The following ZDHHC6 variants were observed in gnomAD, a reference collection of about 807,000 sequenced individuals.
ZDHHC6 encodes zDHHC palmitoyltransferase 6, also known as palmitoyltransferase ZDHHC6.
Under a neutral mutation model 57.8 loss-of-function variants are expected in ZDHHC6, and 32 were observed. The observed-to-expected ratio is 0.55, with a 90% CI of 0.42 to 0.74. The LOEUF (loss-of-function observed/expected upper bound fraction) is 0.74. Ranked by LOEUF, ZDHHC6 falls within the 30% of genes least tolerant of loss-of-function variation. The pLI is 0.00. For synonymous variants in ZDHHC6, 128 were observed against 158.0 expected (o/e 0.81, Z 1.42); for missense variants, 433 against 500.7 (o/e 0.86, Z 1.29).
chr10:112,438,117 C>T (rs138522080), intron 6 of ZDHHC6, among the ~76,000 whole-genome samples: 1 of 152,298 alleles, frequency 6.6e-6, no homozygotes, highest in African/African-American at 2.4e-5. Flanking sequence ...ATGAGAAGCA[C>T]CTTTCTGTGG....
Position 112,442,241 on chromosome 10 carries a change from T to C in ZDHHC6, c.470A>G (p.His157Arg), listed in dbSNP as rs1377178470. Reference protein sequence around the residue: ...FLLLAPLGCIHAAFIFVMTMY... With the variant: ...FLLLAPLGCIRAAFIFVMTMY... The stretch of plus-strand genomic sequence containing the variant: ...AGTCATCACAAAAATGAAAGCAGCA[T>C]GGATACAACCCAGTGGTGCTAAAAG... Residue 157 changes from histidine (H) to arginine (R), a missense_variant, in exon 4 of 11, where the codon CAT becomes CGT. Transcript: ENST00000369405. 1.9e-6 allele frequency: 3 copies of C among 1,613,900 alleles called. No homozygotes were observed. The highest frequency in any genetic ancestry group is 2.2e-5 in the East Asian group (1 of 44,854).
chr10:112,443,113 T>C (rs1053081021), intron 3 of ZDHHC6, among the ~76,000 whole-genome samples: 2 of 152,206 alleles, frequency 1.3e-5, no homozygotes, highest in Non-Finnish European at 2.9e-5. Context: ...GTGTAAATGT[T>C]TGTCAATAAG....
In ZDHHC6 at chr10:112,445,150, T is replaced by C; in HGVS notation, c.267+20A>G. 1 of 1,604,344 alleles carries C rather than the reference T, an allele frequency of 6.2e-7. No homozygotes were observed. Among genetic ancestry groups the C allele is most frequent in the Non-Finnish European group, 8.5e-7 (1 of 1,173,802 alleles). On this transcript the variant is annotated intron_variant, in intron 2 of 10. Coordinates refer to ENST00000369405, the MANE Select transcript of ZDHHC6 (RefSeq NM_022494.3). The stretch of plus-strand genomic sequence containing the variant: ...ATACGATTATCATTAAAGTTCATTG[T>C]CTTACAGAATCTTTCTTACCGGTTT...
chr10:112,429,346 C>G (rs563662230), downstream of ZDHHC6, among the ~76,000 whole-genome samples: 5 of 152,304 alleles, frequency 3.3e-5, no homozygotes, highest in South Asian at 1.0e-3. Context: ...TGTTTTTGTT[C>G]TTGCTGCTGT....
downstream of ZDHHC6, chr10:112,425,553 G>T: frequency 8.0e-6 from 9 of 1,127,140 alleles, no homozygotes; most frequent in Non-Finnish European, 7.2e-6. Context: ...CAGGAAATTT[G>T]TATAGTTGGG....
intron 3 of ZDHHC6, among the ~76,000 whole-genome samples, 172 bp from the exon 4 acceptor site, chr10:112,442,523 G>C (rs893425866): frequency 3.3e-5 from 5 of 152,192 alleles, no homozygotes; most frequent in Admixed American, 2.0e-4. Flanking sequence ...ACAATTAAGT[G>C]ACTCCTTTTA....
chr10:112,447,499 TG>T, upstream of ZDHHC6: 1 of 1,607,474 alleles, frequency 6.2e-7, no homozygotes. Flanking sequence ...ACGAGGGTGC[TG>T]GGGAGAGCTG....
At chr10:112,425,743 A>T (rs942213974), downstream of ZDHHC6, 14 of 350,110 alleles carry the variant, frequency 4.0e-5, no homozygotes, top group African/African-American at 3.0e-4. Flanking sequence ...TCAGTAAAAA[A>T]TGAGCTCCAC....
chr10:112,440,644 C>A lies in ZDHHC6; in HGVS notation c.571G>T (p.Asp191Tyr). The A allele has an allele frequency of 6.2e-7, 1 of 1,613,988 alleles. No individual in the cohort carries two copies. ...VKIDMSAARR[D>Y]PLPIVPFGLA... is the part of the protein sequence containing the mutation. ...CCAAATGGAACAATTGGAAGAGGAT[C>A]TCTCCGGGCTGCACTCATGTCGATC... Residue 191 changes from aspartate to tyrosine, a missense_variant, in exon 5 of 11, where the codon GAT (aspartate) becomes TAT (tyrosine). Asp to Tyr is a radical substitution (Grantham distance 160). Transcript: ENST00000369405.
downstream of ZDHHC6, chr10:112,425,556 T>C (rs921320827): frequency 8.5e-6 from 11 of 1,287,424 alleles, no homozygotes; most frequent in African/African-American, 1.7e-4. Context: ...GAAATTTGTA[T>C]AGTTGGGTTC....
At chr10:112,446,502 G>C (rs1317256090) in intron 1 of ZDHHC6, 1 of 152,180 alleles carries the variant, frequency 6.6e-6, no homozygotes, top group Admixed American at 6.5e-5. Context: ...GGATAATACA[G>C]ACTACCACGC....
intron 4 of ZDHHC6, 22 bp downstream of exon 4, chr10:112,442,170 A>C: frequency 1.3e-6 from 2 of 1,586,324 alleles, no homozygotes; most frequent in East Asian, 4.5e-5. Context: ...TTTTATAACA[A>C]AACATTTTCA....
At chr10:112,447,204 G>A (rs1193085710), upstream of ZDHHC6, 4 of 616,254 alleles carry the variant, frequency 6.5e-6, no homozygotes, top group Non-Finnish European at 1.1e-5. Flanking sequence ...CCGGAGAACC[G>A]AGATTGCGAC....
chr10:112,425,610 AAAT>A, downstream of ZDHHC6: 1 of 915,508 alleles, frequency 1.1e-6, no homozygotes, highest in Non-Finnish European at 1.5e-6. Flanking sequence ...AAAAAAAAAA[AAAT>A]GAAGTTACAT....
chr10:112,443,685 T>G, intron 2 of ZDHHC6, 79 bp from the exon 3 acceptor site: 1 of 1,107,674 alleles, frequency 9.0e-7, no homozygotes, highest in East Asian at 2.5e-5. Flanking sequence ...GATTTTCTTT[T>G]ATGGGCGATA....
At chr10:112,442,383 C>T in intron 3 of ZDHHC6, 32 bp from the exon 4 acceptor site, 1 of 1,589,710 alleles carries the variant, frequency 6.3e-7, no homozygotes, top group Non-Finnish European at 8.5e-7. Flanking sequence ...AAACATGAGG[C>T]AGAAAATCCT....
At chr10:112,434,518 G>GTAA in intron 6 of ZDHHC6, 54 bp from the exon 7 acceptor site, 1 of 1,522,940 alleles carries the variant, frequency 6.6e-7, no homozygotes. Context: ...GTGGCCTGCA[G>GTAA]TAATATGTTA....
intron 6 of ZDHHC6, among the ~76,000 whole-genome samples, chr10:112,435,488 A>G (rs1845439198): frequency 6.6e-6 from 1 of 152,202 alleles, no homozygotes; most frequent in African/African-American, 2.4e-5. Context: ...ACAAAAACAA[A>G]CAAAAAAATG....
At chr10:112,444,727 T>C (rs1042949364) in intron 2 of ZDHHC6, among the ~76,000 whole-genome samples, 2 of 152,196 alleles carry the variant, frequency 1.3e-5, no homozygotes, top group African/African-American at 4.8e-5. Context: ...GGACTATACT[T>C]CCCAATGTTA....
Sources: allele counts gnomAD v4.1 joint callset (sites outside exome capture counted in the v4.1 genomes callset), GRCh38; gene constraint gnomAD v4.1.1; transcripts MANE v1.5; gene names NCBI Gene and HGNC (gene_info 2026-07-23, HGNC 2026-07-21).